The following C12orf56 variants were observed in gnomAD, a reference collection of about 807,000 sequenced individuals.
C12orf56 encodes chromosome 12 open reading frame 56, also known as uncharacterized protein C12orf56.
C12orf56 carries 71 observed loss-of-function variants against 69.9 expected under a neutral mutation model. The ratio of observed to expected loss-of-function variants is 1.02; its 90% CI spans 0.84 to 1.24. C12orf56 has a LOEUF of 1.24. Ranked by LOEUF, C12orf56 falls within the 50% of genes most tolerant of loss-of-function variation. The pLI is 0.00. For missense variants in C12orf56, 732 were observed against 738.5 expected, an observed-to-expected ratio of 0.99 and a Z score of 0.10; for synonymous variants, 276 against 274.1, an observed-to-expected ratio of 1.01 and a Z score of -0.07.
At chr12:64,267,626 A>G (rs1159760165) in intron 12 of C12orf56, 3 of 227,046 alleles carry the variant, frequency 1.3e-5, no homozygotes, top group Non-Finnish European at 2.5e-5. Flanking sequence ...TGTGGTGACT[A>G]CTAGGGCCAA....
intron 4 of C12orf56, among the ~76,000 whole-genome samples, chr12:64,317,724 C>T (rs1445362901): frequency 6.6e-6 from 1 of 151,934 alleles, no homozygotes; most frequent in East Asian, 1.9e-4. Context: ...CACACCACTG[C>T]GCTCCAGCCT....
At chr12:64,382,470 A>G (rs1209818425) in intron 1 of C12orf56, among the ~76,000 whole-genome samples, 1 of 152,166 alleles carries the variant, frequency 6.6e-6, no homozygotes, top group Non-Finnish European at 1.5e-5. Flanking sequence ...GGTTATTAAT[A>G]ATAACTAATG....
intron 11 of C12orf56, 73 bp from the exon 12 acceptor site, chr12:64,270,787 AACTACAAATCTAG>A: frequency 7.5e-7 from 1 of 1,325,058 alleles, no homozygotes; most frequent in Non-Finnish European, 1.0e-6. Flanking sequence ...CTGGAGCTTC[AACTACAAATCTAG>A]ACTGAGGCCC....
chr12:64,380,283 C>T (rs957600361), intron 1 of C12orf56, among the ~76,000 whole-genome samples: 12 of 152,200 alleles, frequency 7.9e-5, no homozygotes, highest in African/African-American at 1.4e-4. Context: ...GCCTGAGTAA[C>T]GGCCAGTGTG....
rs2136754001 is a variant in C12orf56 at position 64,277,799 on chromosome 12, CT to C, written c.1314del (p.Ala439HisfsTer7). ...SRLNTLAAKKGALFNLLVILI... is the reference protein window; with the variant it reads ...SRLNTLAAKKXALFNLLVILI... ...AAAATTACCAAGAGATTAAATAGTG[CT>C]CCCCTGGAAAAAAATAAATAAAAGG... On this transcript the variant is annotated frameshift_variant, in exon 9 of 13. Coordinates refer to ENST00000543942, the MANE Select transcript of C12orf56 (RefSeq NM_001170633.2). LOFTEE classifies it high-confidence loss of function. 6.4e-7 allele frequency: 1 copy of C among 1,551,564 alleles called. No individual in the cohort carries two copies. Among genetic ancestry groups the C allele is most frequent in the South Asian group, 1.3e-5 (1 of 79,478 alleles).
intron 6 of C12orf56, among the ~76,000 whole-genome samples, chr12:64,298,262 T>C (rs2038396369): frequency 2.0e-5 from 3 of 152,228 alleles, no homozygotes. Context: ...TTACGTCCTT[T>C]GTAGATTCTG....
At chr12:64,336,012 T>C (rs1005711756) in intron 2 of C12orf56, among the ~76,000 whole-genome samples, 2 of 152,190 alleles carry the variant, frequency 1.3e-5, no homozygotes, top group Non-Finnish European at 2.9e-5. Context: ...GCAATGACTA[T>C]TATCAAATAG....
In C12orf56 at chr12:64,284,651, TA is replaced by T. The variant is rs756278705; in HGVS notation, c.1310+12del. On this transcript the variant is annotated intron_variant, in intron 8 of 12. Coordinates refer to ENST00000543942, the MANE Select transcript of C12orf56 (RefSeq NM_001170633.2). ...GCAACTACAAGGTCCCAATGTCTTCTAAAAGACCTTACTTCTTAGCTGCCAA... is the reference window on the plus strand; with the variant it reads ...GCAACTACAAGGTCCCAATGTCTTCTAAAGACCTTACTTCTTAGCTGCCAA... 4 of 1,591,288 alleles carry T rather than the reference TA, an allele frequency of 2.5e-6. No homozygotes were observed. The African/African-American group carries it at 5.4e-5, about 22-fold the overall frequency.
intron 2 of C12orf56, among the ~76,000 whole-genome samples, chr12:64,334,203 A>G (rs1223969429): frequency 6.6e-6 from 1 of 152,254 alleles, no homozygotes; most frequent in Non-Finnish European, 1.5e-5. Flanking sequence ...ATAAAGTCCC[A>G]TTCCTGTGGG....
chr12:64,337,699 A>G (rs2039014228), intron 2 of C12orf56, among the ~76,000 whole-genome samples: 2 of 152,058 alleles, frequency 1.3e-5, no homozygotes, highest in Non-Finnish European at 2.9e-5. Flanking sequence ...TCTACTAAAA[A>G]TACAAAAATT....
chr12:64,361,837 A>G (rs2039403856), intron 1 of C12orf56, among the ~76,000 whole-genome samples: 1 of 151,968 alleles, frequency 6.6e-6, no homozygotes, highest in African/African-American at 2.4e-5. Context: ...GGTTCAAGCA[A>G]TTCTCCTGCC....
intron 4 of C12orf56, among the ~76,000 whole-genome samples, chr12:64,313,432 A>G (rs1319031198): frequency 6.6e-6 from 1 of 151,828 alleles, no homozygotes; most frequent in Non-Finnish European, 1.5e-5. Context: ...CTGTAGTCTC[A>G]GCTACTTCGG....
chr12:64,387,628 A>G (rs2039812187), intron 1 of C12orf56, among the ~76,000 whole-genome samples: 1 of 152,230 alleles, frequency 6.6e-6, no homozygotes, highest in Non-Finnish European at 1.5e-5. Flanking sequence ...CCTGGGCAAC[A>G]TGGCAAAACC....
intron 9 of C12orf56, 108 bp downstream of exon 9, chr12:64,277,572 G>GT: frequency 1.4e-6 from 1 of 721,944 alleles, no homozygotes; most frequent in Non-Finnish European, 1.9e-6. Context: ...CTACTCTTTG[G>GT]TTTAATTATG....
chr12:64,338,580 T>G, intron 2 of C12orf56: 1 of 1,549,570 alleles, frequency 6.5e-7, no homozygotes, highest in Non-Finnish European at 8.9e-7. Flanking sequence ...AAATTGGACA[T>G]CTGAATTTTC....
chr12:64,343,040 G>C (rs1428930455), intron 2 of C12orf56, among the ~76,000 whole-genome samples: 2 of 152,142 alleles, frequency 1.3e-5, no homozygotes, highest in African/African-American at 4.8e-5. Flanking sequence ...TGATAAATGA[G>C]CCAGAGTAAC....
intron 11 of C12orf56, among the ~76,000 whole-genome samples, chr12:64,271,805 T>G (rs558600035): frequency 1.3e-5 from 2 of 152,294 alleles, no homozygotes; most frequent in East Asian, 3.9e-4. Context: ...GAAATTAAGT[T>G]TTTAACTTTT....
intron 11 of C12orf56, among the ~76,000 whole-genome samples, chr12:64,272,121 C>G (rs55973281): frequency 0.051 from 7,709 of 152,206 alleles, 665 homozygotes; most frequent in African/African-American, 0.17. Flanking sequence ...ACTTAGGAGG[C>G]TGAGGCAGGA....
chr12:64,344,028 C>T (rs2039109457), intron 2 of C12orf56, among the ~76,000 whole-genome samples: 2 of 152,262 alleles, frequency 1.3e-5, no homozygotes, highest in Admixed American at 6.5e-5. Flanking sequence ...AATTACCTGA[C>T]CTCCATAAGC....
Sources: gnomAD v4.1 joint callset for allele counts (sites outside exome capture counted in the v4.1 genomes callset) on GRCh38, gnomAD v4.1.1 for gene constraint, MANE v1.5 for transcripts, NCBI Gene and HGNC (gene_info 2026-07-23, HGNC 2026-07-21) for gene names.